CRYBG1: variants seen among roughly 807,000 people sequenced by gnomAD.
CRYBG1 encodes the protein beta/gamma crystallin domain-containing protein 1.
A neutral mutation model predicts 189.2 loss-of-function variants in CRYBG1; 139 were observed. The observed-to-expected ratio is 0.73, with a 90% CI of 0.64 to 0.85. The LOEUF (loss-of-function observed/expected upper bound fraction) is 0.85, where lower values mean the gene tolerates loss of function less well. CRYBG1 is among the 40% of genes least tolerant of loss of function. CRYBG1 has a pLI of 0.00. For missense variants in CRYBG1, 2,611 were observed against 2,675.8 expected, an observed-to-expected ratio of 0.98 and a Z score of 0.53; for synonymous variants, 1,023 against 1,017.1, an observed-to-expected ratio of 1.01 and a Z score of -0.11.
At position 106,520,132 on chromosome 6, in the gene CRYBG1, T is replaced by A. The variant is rs377195581; in HGVS notation, c.2924T>A (p.Ile975Asn). 1.4e-4 allele frequency: 228 copies of A among 1,614,026 alleles called. No homozygotes were observed. The highest frequency in any genetic ancestry group is 1.7e-4 in the Non-Finnish European group (203 of 1,180,022). ...ACCCAGGATGTGAGCTCCCAGGTCATCCCAGAGAGCTCTGAAGTTAGAGAA... is the reference window on the plus strand; with the variant it reads ...ACCCAGGATGTGAGCTCCCAGGTCAACCCAGAGAGCTCTGAAGTTAGAGAA... ...ESTQDVSSQV[I>N]PESSEVREVQ... Residue 975 changes from isoleucine (I) to asparagine (N), a missense_variant, in exon 4 of 22, where the codon ATC becomes AAC. Physicochemically the swap from Ile to Asn is moderately radical, Grantham distance 149 (BLOSUM62 -3). This residue lies in a region of CRYBG1 where 1,622 missense variants were observed against 1,735.0 expected (regional missense o/e 0.93). Coordinates refer to ENST00000633556, the MANE Select transcript of CRYBG1 (RefSeq NM_001371242.2).
chr6:106,366,165 C>T (rs1771995220), intron 1 of CRYBG1, among the ~76,000 whole-genome samples: 1 of 152,030 alleles, frequency 6.6e-6, no homozygotes, highest in African/African-American at 2.4e-5. Context: ...TTCTAGTTTC[C>T]AGTCTTTTGT....
chr6:106,380,370 G>A lies in CRYBG1; in HGVS notation c.173+19289G>A, dbSNP rs572931501. Among the ~76,000 whole-genome samples the A allele has an allele frequency of 1.8e-4, 27 of 152,278 alleles. No individual in the cohort carries two copies. The South Asian group carries it at 5.2e-3, about 29-fold the overall frequency. On this transcript the variant is annotated intron_variant, in intron 1 of 21. Transcript: ENST00000633556. ...AACCCAAAATTCAGGGCTTGGATGT[G>A]GGACAGGAACCCAGAGTAACTGAAA...
chr6:106,402,593 A>C (rs7751992), intron 1 of CRYBG1, among the ~76,000 whole-genome samples: 1,656 of 143,654 alleles, frequency 0.012, 31 homozygotes, highest in African/African-American at 0.041. Context: ...CTGGCTAGCC[A>C]TATGTAGAAA....
intron 8 of CRYBG1, among the ~76,000 whole-genome samples, chr6:106,531,643 A>G (rs545454955): frequency 6.9e-6 from 1 of 145,472 alleles, no homozygotes; most frequent in African/African-American, 2.5e-5. Context: ...CCTTTACGAC[A>G]GTTTGTTCAT....
At chr6:106,375,278 C>T (rs1333314616) in intron 1 of CRYBG1, among the ~76,000 whole-genome samples, 2 of 151,800 alleles carry the variant, frequency 1.3e-5, no homozygotes, top group Non-Finnish European at 2.9e-5. Flanking sequence ...CCCAACTACT[C>T]GAAAGGCTGA....
At chr6:106,484,113 A>C (rs1428443741) in intron 2 of CRYBG1, among the ~76,000 whole-genome samples, 1 of 152,140 alleles carries the variant, frequency 6.6e-6, no homozygotes, top group African/African-American at 2.4e-5. Context: ...CTTTTTCCAA[A>C]TGTGTGTTCT....
chr6:106,368,734 G>A (rs1044747366), intron 1 of CRYBG1, among the ~76,000 whole-genome samples: 2 of 152,080 alleles, frequency 1.3e-5, no homozygotes, highest in Admixed American at 1.3e-4. Context: ...GAGAAGCAAT[G>A]ACCCCTCATA....
intron 1 of CRYBG1, among the ~76,000 whole-genome samples, chr6:106,409,175 G>T (rs541749795): frequency 7.9e-5 from 12 of 152,272 alleles, no homozygotes; most frequent in African/African-American, 2.9e-4. Flanking sequence ...CTTCAGCAAA[G>T]TCTCAGGATA....
chr6:106,430,261 AT>A (rs1487279509), intron 1 of CRYBG1, among the ~76,000 whole-genome samples: 1 of 152,118 alleles, frequency 6.6e-6, no homozygotes, highest in Admixed American at 6.5e-5. Context: ...CGAAACCCCC[AT>A]CTCTACAAAA....
chr6:106,387,069 T>C (rs866182762), intron 1 of CRYBG1, among the ~76,000 whole-genome samples: 7 of 152,302 alleles, frequency 4.6e-5, no homozygotes, highest in Middle Eastern at 3.4e-3. Context: ...TATAACAAAG[T>C]AGCATAATTT....
At chr6:106,563,148 T>C (rs1189659257) in intron 20 of CRYBG1, among the ~76,000 whole-genome samples, 1 of 152,202 alleles carries the variant, frequency 6.6e-6, no homozygotes, top group African/African-American at 2.4e-5. Flanking sequence ...ATTTATATAT[T>C]AAGGGTAGAT....
intron 1 of CRYBG1, among the ~76,000 whole-genome samples, chr6:106,426,643 A>G (rs561088966): frequency 6.6e-6 from 1 of 152,276 alleles, no homozygotes; most frequent in South Asian, 2.1e-4. Flanking sequence ...ACAGATTAGG[A>G]GAGCTCAGGT....
At chr6:106,374,922 G>C (rs1582727598) in intron 1 of CRYBG1, among the ~76,000 whole-genome samples, 2 of 152,222 alleles carry the variant, frequency 1.3e-5, no homozygotes, top group East Asian at 3.9e-4. Context: ...AGAGAGAAAA[G>C]CCAAAATACG....
At chr6:106,402,264 C>G (rs1216331493) in intron 1 of CRYBG1, among the ~76,000 whole-genome samples, 1 of 100,120 alleles carries the variant, frequency 1.0e-5, no homozygotes, top group East Asian at 2.5e-4. Context: ...ATCAAGCTAC[C>G]AATGACTTTC....
intron 2 of CRYBG1, among the ~76,000 whole-genome samples, chr6:106,503,929 T>C (rs1773066393): frequency 6.6e-6 from 1 of 151,076 alleles, no homozygotes; most frequent in Non-Finnish European, 1.5e-5. Context: ...CAGGTTAATC[T>C]GGAAGTTAAA....
At chr6:106,417,423 A>C (rs914175690) in intron 1 of CRYBG1, among the ~76,000 whole-genome samples, 1 of 152,126 alleles carries the variant, frequency 6.6e-6, no homozygotes, top group African/African-American at 2.4e-5. Flanking sequence ...GACTAACCCT[A>C]TTCCCAGCCT....
chr6:106,421,410 G>A (rs989158847), intron 1 of CRYBG1, among the ~76,000 whole-genome samples: 1 of 152,064 alleles, frequency 6.6e-6, no homozygotes, highest in African/African-American at 2.4e-5. Context: ...ATCATTTTTG[G>A]CAGTGGGGAA....
At chr6:106,411,790 C>A (rs1770930733) in intron 1 of CRYBG1, among the ~76,000 whole-genome samples, 1 of 152,202 alleles carries the variant, frequency 6.6e-6, no homozygotes, top group East Asian at 1.9e-4. Context: ...GGCCTGAGAG[C>A]CCCTGGGAGG....
At chr6:106,451,513 A>T in intron 1 of CRYBG1, 181 bp from the exon 2 acceptor site, 1 of 495,388 alleles carries the variant, frequency 2.0e-6, no homozygotes, top group East Asian at 3.4e-5. Context: ...ATCCAGGTTT[A>T]TTTATAAATG....
Sources: gnomAD v4.1 joint callset for allele counts (sites outside exome capture counted in the v4.1 genomes callset) on GRCh38, gnomAD v4.1.1 for gene constraint, gnomAD v4.1.1 regional missense constraint, MANE v1.5 for transcripts, NCBI Gene and HGNC (gene_info 2026-07-23, HGNC 2026-07-21) for gene names.